PPP2R2C: variants seen among roughly 807,000 people sequenced by gnomAD.
PPP2R2C encodes the protein protein phosphatase 2, regulatory subunit B, gamma.
In PPP2R2C, 10 loss-of-function variants were observed where a neutral mutation model predicts 45.3. The ratio of observed to expected loss-of-function variants is 0.22; its 90% CI spans 0.14 to 0.37. The LOEUF is 0.37. Among genes scored for constraint, PPP2R2C ranks in the 10% least tolerant of loss-of-function variants. PPP2R2C has a pLI of 1.00. For missense variants in PPP2R2C, 308 were observed against 619.7 expected (o/e 0.50, Z 5.34); for synonymous variants, 257 against 245.4 (o/e 1.05, Z -0.44).
At chr4:6,458,291 G>A (rs780361975) in intron 1 of PPP2R2C, among the ~76,000 whole-genome samples, 2 of 152,172 alleles carry the variant, frequency 1.3e-5, no homozygotes, top group African/African-American at 4.8e-5. Flanking sequence ...CATAGACCGG[G>A]TGGCTTATAA....
At chr4:6,342,858 G>T (rs1039861619) in intron 6 of PPP2R2C, among the ~76,000 whole-genome samples, 1 of 152,212 alleles carries the variant, frequency 6.6e-6, no homozygotes, top group Admixed American at 6.5e-5. Context: ...GTCCAGGGAA[G>T]TCACAGAGCT....
intron 1 of PPP2R2C, among the ~76,000 whole-genome samples, chr4:6,421,559 C>T (rs912593000): frequency 1.3e-5 from 2 of 152,120 alleles, no homozygotes; most frequent in African/African-American, 4.8e-5. Context: ...AAAATGGCGG[C>T]CGTGAAAACG....
intron 1 of PPP2R2C, among the ~76,000 whole-genome samples, chr4:6,418,988 C>T (rs1037824126): frequency 1.3e-5 from 2 of 152,224 alleles, no homozygotes; most frequent in African/African-American, 2.4e-5. Flanking sequence ...TCAATATTCC[C>T]GTTGACAGCG....
chr4:6,357,848 A>G (rs1225284811), intron 5 of PPP2R2C, among the ~76,000 whole-genome samples: 1 of 151,914 alleles, frequency 6.6e-6, no homozygotes, highest in East Asian at 1.9e-4. Context: ...GTCTGCAGCC[A>G]TCCCTTCCGA....
chr4:6,531,735 C>G (rs537835084), intron 2 of PPP2R2C, among the ~76,000 whole-genome samples: 17 of 152,220 alleles, frequency 1.1e-4, no homozygotes, highest in Non-Finnish European at 2.2e-4. Flanking sequence ...TTCCAACATA[C>G]GTCCACTTAA....
At chr4:6,387,710 G>A (rs368326206) in intron 1 of PPP2R2C, among the ~76,000 whole-genome samples, 1 of 152,008 alleles carries the variant, frequency 6.6e-6, no homozygotes, top group Non-Finnish European at 1.5e-5. Flanking sequence ...CTATCTGGGA[G>A]GCTGAGGCAG....
chr4:6,420,484 C>T (rs1718891531), intron 1 of PPP2R2C, among the ~76,000 whole-genome samples: 1 of 152,182 alleles, frequency 6.6e-6, no homozygotes, highest in Non-Finnish European at 1.5e-5. Flanking sequence ...GTGTCTGCCA[C>T]ACCCCCGCCT....
Position 6,323,067 on chromosome 4 carries a change from A to C in PPP2R2C, c.*235T>G. 1 of 438,390 alleles carries C rather than the reference A, an allele frequency of 2.3e-6. No individual in the cohort carries two copies. Among genetic ancestry groups the C allele is most frequent in the Non-Finnish European group, 4.0e-6 (1 of 252,420 alleles). The allele number at this position is 438,390 out of a possible 1,614,324, so 27.2% of individuals were successfully genotyped here. ...TCCATTTTATGATTTGTGGCGGTGA[A>C]CGCTTCCTTTCCTTTTTATTTTTTT... On this transcript the variant is annotated 3_prime_UTR_variant, in exon 9 of 9. Coordinates refer to ENST00000382599, the MANE Select transcript of PPP2R2C (RefSeq NM_020416.4).
intron 5 of PPP2R2C, among the ~76,000 whole-genome samples, chr4:6,359,489 A>T (rs1186636201): frequency 6.6e-6 from 1 of 152,200 alleles, no homozygotes; most frequent in Non-Finnish European, 1.5e-5. Flanking sequence ...GAACTTAAAT[A>T]ACAAAAAAAG....
At chr4:6,411,156 C>T (rs1043185091) in intron 1 of PPP2R2C, among the ~76,000 whole-genome samples, 2 of 152,088 alleles carry the variant, frequency 1.3e-5, no homozygotes, top group African/African-American at 4.8e-5. Context: ...CAGGTGTGAG[C>T]CACCAGTACC....
chr4:6,427,347 C>T (rs1172204980), intron 1 of PPP2R2C, among the ~76,000 whole-genome samples: 1 of 152,236 alleles, frequency 6.6e-6, no homozygotes, highest in East Asian at 1.9e-4. Flanking sequence ...TGCCTTCCAA[C>T]TAACTCAACA....
At chr4:6,456,039 C>A (rs942115810) in intron 1 of PPP2R2C, among the ~76,000 whole-genome samples, 12 of 152,214 alleles carry the variant, frequency 7.9e-5, no homozygotes, top group Non-Finnish European at 2.9e-5. Flanking sequence ...CCCTACCCCA[C>A]CCACACACCT....
intron 2 of PPP2R2C, among the ~76,000 whole-genome samples, chr4:6,520,277 GC>G (rs1723975766): frequency 6.6e-6 from 1 of 152,154 alleles, no homozygotes; most frequent in Non-Finnish European, 1.5e-5. Flanking sequence ...CGGGGCTCCG[GC>G]CCGGGCTGGG....
At chr4:6,536,823 T>A (rs1304039731) in intron 1 of PPP2R2C, among the ~76,000 whole-genome samples, 1 of 152,224 alleles carries the variant, frequency 6.6e-6, no homozygotes, top group African/African-American at 2.4e-5. Flanking sequence ...AGCATGGACC[T>A]GGGGAAATAA....
intron 2 of PPP2R2C, among the ~76,000 whole-genome samples, chr4:6,489,423 C>T (rs905544124): frequency 6.6e-6 from 1 of 152,114 alleles, no homozygotes; most frequent in African/African-American, 2.4e-5. Context: ...CCTCCTATTC[C>T]TCCTCATGCA....
intron 2 of PPP2R2C, among the ~76,000 whole-genome samples, chr4:6,509,611 T>C (rs556439948): frequency 2.9e-4 from 44 of 152,316 alleles, no homozygotes; most frequent in African/African-American, 1.0e-3. Context: ...TGTGTCTGCC[T>C]CTAGTCCAAC....
intron 2 of PPP2R2C, among the ~76,000 whole-genome samples, chr4:6,493,938 C>T (rs1417394601): frequency 6.6e-6 from 1 of 152,246 alleles, no homozygotes; most frequent in Non-Finnish European, 1.5e-5. Context: ...ACCTTCCTGG[C>T]TGTTAGATGC....
chr4:6,504,570 T>C (rs1723161673), intron 2 of PPP2R2C, among the ~76,000 whole-genome samples: 1 of 152,136 alleles, frequency 6.6e-6, no homozygotes, highest in African/African-American at 2.4e-5. Context: ...TCATAATGAA[T>C]TTAAAAATAA....
chr4:6,332,793 G>A lies in PPP2R2C; in HGVS notation c.960+769C>T, dbSNP rs1249135259. ...CCCCATGTGTGAGGAGTGACACGGT[G>A]AGGAACCGGCTGGGGTTTCTGGTGG... On this transcript the variant is annotated intron_variant, in intron 7 of 8. Transcript: ENST00000382599. This position sits in a 1 kb window ranked among gnomAD's most constrained non-coding sequence, Gnocchi z 4.9. 1.3e-5 allele frequency among the ~76,000 whole-genome samples: 2 copies of A among 152,144 alleles called. No homozygotes were observed. Among genetic ancestry groups the A allele is most frequent in the Non-Finnish European group, 2.9e-5 (2 of 68,026 alleles).
Sources: gnomAD v4.1 joint callset for allele counts (sites outside exome capture counted in the v4.1 genomes callset) on GRCh38, gnomAD v4.1.1 for gene constraint, Gnocchi (gnomAD v3.1) non-coding constraint, MANE v1.5 for transcripts, NCBI Gene and HGNC (gene_info 2026-07-23, HGNC 2026-07-21) for gene names.